The following NOM1 variants were observed in gnomAD, a reference collection of about 807,000 sequenced individuals.
The protein encoded by NOM1 is nucleolar MIF4G domain-containing protein 1.
NOM1 carries 58 observed loss-of-function variants against 73.3 expected under a neutral mutation model. The observed-to-expected ratio is 0.79, with a 90% CI of 0.64 to 0.99. The LOEUF is 0.99. Among genes scored for constraint, NOM1 ranks in the 50% least tolerant of loss-of-function variants. NOM1 has a pLI of 0.00. For missense variants in NOM1, 1,226 were observed against 1,131.9 expected (o/e 1.08, Z -1.19); for synonymous variants, 487 against 446.8 (o/e 1.09, Z -1.14).
In NOM1 at chr7:156,968,499, G is replaced by T. The variant is rs548608602; in HGVS notation, c.2299-588G>T. Among the ~76,000 whole-genome samples, 3 of 152,062 alleles carry T rather than the reference G, an allele frequency of 2.0e-5. No homozygotes were observed. In the South Asian group the frequency reaches 6.2e-4, roughly 32 times the overall value. On this transcript the variant is annotated intron_variant, in intron 9 of 10. Transcript: ENST00000275820. ...TGCGTTTAGTCCCCTCCTCTAGCTC[G>T]CTGACATTCAGCTAAGATTGCAGTG...
At chr7:156,957,491 T>TA (rs1418302469) in intron 3 of NOM1, among the ~76,000 whole-genome samples, 7 of 152,126 alleles carry the variant, frequency 4.6e-5, no homozygotes, top group Admixed American at 4.6e-4. Context: ...ATTGAAAACA[T>TA]ACAGCCGGGT....
intron 7 of NOM1, 71 bp from the exon 8 acceptor site, chr7:156,966,199 C>A: frequency 6.3e-7 from 1 of 1,578,194 alleles, no homozygotes; most frequent in Admixed American, 1.7e-5. Flanking sequence ...GAAGATGTTC[C>A]CCTGAAAGGT....
chr7:156,962,192 T>G lies in NOM1; in HGVS notation c.1674T>G (p.Asn558Lys). 1.2e-6 allele frequency: 2 copies of G among 1,614,094 alleles called. No individual in the cohort carries two copies. Among genetic ancestry groups the G allele is most frequent in the Non-Finnish European group, 8.5e-7 (1 of 1,179,992 alleles). Residue 558 changes from asparagine (N) to lysine (K), a missense_variant, in exon 5 of 11, where the codon AAT (asparagine) becomes AAG (lysine). By Grantham distance (94) the Asn-to-Lys change is moderately conservative. Coordinates refer to ENST00000275820, the MANE Select transcript of NOM1 (RefSeq NM_138400.2). Reference protein sequence around the residue: ...MLETMLALKNNDMRKIPGYDP... With the variant: ...MLETMLALKNKDMRKIPGYDP... ...AGACGATGTTGGCCCTGAAGAACAA[T>G]GACATGCGCAAAATTCCAGGCTATG...
At position 156,969,118 on chromosome 7, in the gene NOM1, G is replaced by C. The variant is rs766322752; in HGVS notation, c.2330G>C (p.Arg777Thr). Residue 777 changes from arginine to threonine, a missense_variant, in exon 10 of 11, where the codon AGA becomes ACA. Arg to Thr is a moderately conservative substitution (Grantham distance 71). Coordinates refer to ENST00000275820, the MANE Select transcript of NOM1 (RefSeq NM_138400.2). The stretch of plus-strand genomic sequence containing the variant: ...GAATTCAGTGAATTGGACAAACCCA[G>C]AGTCCGTTTTTTACGAAAAGTATTA... ...VVEFSELDKPRVRFLRKVLSI... is the reference protein window; with the variant it reads ...VVEFSELDKPTVRFLRKVLSI... 1.3e-6 allele frequency: 2 copies of C among 1,596,652 alleles called. No individual in the cohort carries two copies. The highest frequency in any genetic ancestry group is 1.1e-5 in the South Asian group (1 of 90,738).
At chr7:156,965,796 T>TC (rs35458218) in intron 7 of NOM1, among the ~76,000 whole-genome samples, 108,088 of 151,916 alleles carry the variant, frequency 0.71, 38,734 homozygotes, top group Admixed American at 0.82. Flanking sequence ...GCACCTGTAA[T>TC]CCAGCTACTC....
At chr7:156,962,531 A>G (rs547933533) in intron 5 of NOM1, among the ~76,000 whole-genome samples, 7 of 152,334 alleles carry the variant, frequency 4.6e-5, no homozygotes, top group South Asian at 2.1e-4. Context: ...GGGCTGCACC[A>G]TTGGATCATC....
intron 3 of NOM1, among the ~76,000 whole-genome samples, chr7:156,954,519 A>ATTTTTTTTTTTTTTTTT (rs1804671935): frequency 4.1e-5 from 4 of 97,076 alleles, no homozygotes; most frequent in African/African-American, 8.3e-5. Context: ...TGTTCTGTCC[A>ATTTTTTTTTTTTTTTTT]TTCTTTTTTT....
intron 2 of NOM1, 36 bp from the exon 3 acceptor site, chr7:156,954,067 A>G (rs1215255990): frequency 2.6e-6 from 4 of 1,557,740 alleles, no homozygotes; most frequent in Non-Finnish European, 8.7e-7. Context: ...CCTAATTGGA[A>G]ACATTGTTGC....
At position 156,969,175 on chromosome 7, in the gene NOM1, A is replaced by T. The variant is rs749333382; in HGVS notation, c.2387A>T (p.Asp796Val). 5.1e-6 allele frequency: 8 copies of T among 1,567,160 alleles called. No individual in the cohort carries two copies. The East Asian group carries it at 1.8e-4, about 35-fold the overall frequency. Residue 796 changes from aspartate to valine, a missense_variant, in exon 10 of 11, where the codon GAC becomes GTC. Transcript: ENST00000275820. Reference sequence around the variant, plus strand: ...CTATTAATGGAAACAGAAGTTGAAGACCTCAGTTTAATTTTCACAAGGTAT... The same window carrying T: ...CTATTAATGGAAACAGAAGTTGAAGTCCTCAGTTTAATTTTCACAAGGTAT... The part of the protein sequence containing the change: ...SILLMETEVE[D>V]LSLIFTRVSD...
chr7:156,969,720 G>T lies in NOM1; in HGVS notation c.*17G>T. On this transcript the variant is annotated 3_prime_UTR_variant, in exon 11 of 11. Transcript: ENST00000275820. The stretch of plus-strand genomic sequence containing the variant: ...AGAATGTAGTCAGGGAAGGAAGGAG[G>T]GCAGGTGGCCCTTTGACTGTAAAAT... 1 of 1,591,814 alleles carries T rather than the reference G, an allele frequency of 6.3e-7. No individual in the cohort carries two copies. The highest frequency in any genetic ancestry group is 1.1e-5 in the South Asian group (1 of 89,982).
Position 156,966,983 on chromosome 7 carries a change from G to T in NOM1, c.2189G>T (p.Trp730Leu), listed in dbSNP as rs1349647196. The change falls in exon 9 of 11, where the codon TGG becomes TTG. Residue 730 changes from tryptophan (W) to leucine (L), a missense_variant. Coordinates refer to ENST00000275820, the MANE Select transcript of NOM1 (RefSeq NM_138400.2). The part of the protein sequence containing the change: ...RFQMTFQFSI[W>L]DKFRDLENLP... ...TAGATGACTTTCCAGTTCAGCATAT[G>T]GGACAAATTTCGGGACTTGGAAAAC... 1 of 1,613,094 alleles carries T rather than the reference G, an allele frequency of 6.2e-7. No individual in the cohort carries two copies. The highest frequency in any genetic ancestry group is 8.5e-7 in the Non-Finnish European group (1 of 1,179,722).
At position 156,969,614 on chromosome 7, in the gene NOM1, C is replaced by T; in HGVS notation, c.2494C>T (p.His832Tyr). 1 of 1,614,002 alleles carries T rather than the reference C, an allele frequency of 6.2e-7. No homozygotes were observed. Among genetic ancestry groups the T allele is most frequent in the Non-Finnish European group, 8.5e-7 (1 of 1,179,976 alleles). The change falls in exon 11 of 11, where the codon CAC (histidine) becomes TAC (tyrosine). Residue 832 changes from histidine to tyrosine, a missense_variant. Transcript: ENST00000275820. Reference sequence around the variant, plus strand: ...CTTCTTGCTAAAGAACGCACAGGCCCACAGAAGCGCCGACGAAGCCAACGT... The same window carrying T: ...CTTCTTGCTAAAGAACGCACAGGCCTACAGAAGCGCCGACGAAGCCAACGT... ...SHFLLKNAQA[H>Y]RSADEANVLR... is the part of the protein sequence containing the mutation.
Position 156,969,795 on chromosome 7 carries a change from G to A in NOM1, c.*92G>A. ...TTCTGTTGCCTGCGTGTGAATGTTT[G>A]GTAGAGCTATATCATTGTCTGTTAA... On this transcript the variant is annotated 3_prime_UTR_variant, in exon 11 of 11. Coordinates refer to ENST00000275820, the MANE Select transcript of NOM1 (RefSeq NM_138400.2). 8.1e-7 allele frequency: 1 copy of A among 1,228,584 alleles called. No individual in the cohort carries two copies. The highest frequency in any genetic ancestry group is 1.1e-6 in the Non-Finnish European group (1 of 900,278). The allele number at this position is 1,228,584 out of a possible 1,614,324, so 76.1% of individuals were successfully genotyped here. A position where few individuals can be genotyped will look rare whatever the true frequency, so the allele number is the denominator to read the frequency against.
intron 6 of NOM1, chr7:156,963,601 A>G (rs1365580946): frequency 2.8e-6 from 1 of 359,152 alleles, no homozygotes; most frequent in Non-Finnish European, 5.1e-6. Flanking sequence ...ATTCTGTGTC[A>G]CTCATGGTCA....
At chr7:156,969,467 A>G (rs951577436) in intron 10 of NOM1, 62 bp from the exon 11 acceptor site, 7 of 1,415,118 alleles carry the variant, frequency 4.9e-6, no homozygotes, top group African/African-American at 1.4e-5. Flanking sequence ...CGAGATACCC[A>G]GGATTGAGAT....
chr7:156,964,272 G>T (rs188187605), intron 7 of NOM1: 9,151 of 205,758 alleles, frequency 0.044, 266 homozygotes, highest in South Asian at 0.083. Context: ...GGGGTTTGGG[G>T]TTTTTTTTTT....
At position 156,964,737 on chromosome 7, in the gene NOM1, T is replaced by C. The variant is rs531353206; in HGVS notation, c.2033+711T>C. Among the ~76,000 whole-genome samples, 19 of 152,346 alleles carry C rather than the reference T, an allele frequency of 1.2e-4. No individual in the cohort carries two copies. In the South Asian group the frequency reaches 3.9e-3, roughly 32 times the overall value. ...TAGGATTCTGATAATTAGGGTTTTA[T>C]TTTCTAAACTAGAGTTTCTAGTTGG... On this transcript the variant is annotated intron_variant, in intron 7 of 10. Transcript: ENST00000275820.
chr7:156,969,493 T>C, intron 10 of NOM1, 36 bp from the exon 11 acceptor site: 1 of 1,580,250 alleles, frequency 6.3e-7, no homozygotes. Flanking sequence ...AGAGGCCAGC[T>C]CAGCCCTGAC....
chr7:156,969,970 G>A lies in NOM1; in HGVS notation c.*267G>A. ...CAGGGTTCTCTAAGCAGTGAGGCTGGTGTGTATGATTGTCTTAAAATTTTT... is the reference window on the plus strand; with the variant it reads ...CAGGGTTCTCTAAGCAGTGAGGCTGATGTGTATGATTGTCTTAAAATTTTT... On this transcript the variant is annotated 3_prime_UTR_variant, in exon 11 of 11. Transcript: ENST00000275820. 1 of 263,418 alleles carries A rather than the reference G, an allele frequency of 3.8e-6. No individual in the cohort carries two copies. The highest frequency in any genetic ancestry group is 7.2e-6 in the Non-Finnish European group (1 of 138,704). The allele number at this position is 263,418 out of a possible 1,614,324, so 16.3% of individuals were successfully genotyped here.
Sources: allele counts gnomAD v4.1 joint callset (sites outside exome capture counted in the v4.1 genomes callset), GRCh38; gene constraint gnomAD v4.1.1; transcripts MANE v1.5; gene names NCBI Gene and HGNC (gene_info 2026-07-23, HGNC 2026-07-21).